The following PLEKHA2 variants were observed in gnomAD, a reference collection of about 807,000 sequenced individuals.
PLEKHA2 encodes the protein pleckstrin homology domain-containing family A member 2.
A neutral mutation model predicts 53.2 loss-of-function variants in PLEKHA2; 28 were observed. That is an observed-to-expected ratio of 0.53 (90% CI 0.39 to 0.72). PLEKHA2 has a LOEUF of 0.72. PLEKHA2 is among the 30% of genes least tolerant of loss of function. The probability of loss-of-function intolerance (pLI) is 0.00; values close to 1 mark genes in which losing one functional copy is unlikely to be tolerated. For missense variants in PLEKHA2, 426 were observed against 537.9 expected (o/e 0.79, Z 2.06); for synonymous variants, 193 against 196.4 (o/e 0.98, Z 0.14).
At chr8:38,905,481 A>G (rs1341895922) in intron 1 of PLEKHA2, among the ~76,000 whole-genome samples, 1 of 150,482 alleles carries the variant, frequency 6.6e-6, no homozygotes, top group African/African-American at 2.4e-5. Flanking sequence ...TTTTTTTTAA[A>G]TACTCATACT....
At chr8:38,963,612 G>A (rs62504408) in intron 10 of PLEKHA2, among the ~76,000 whole-genome samples, 24,443 of 152,200 alleles carry the variant, frequency 0.16, 2,088 homozygotes, top group South Asian at 0.27. Context: ...GGTGGCTCAT[G>A]CCTGTAATCC....
intron 11 of PLEKHA2, 87 bp from the exon 12 acceptor site, chr8:38,969,334 T>C: frequency 6.8e-7 from 1 of 1,465,254 alleles, no homozygotes; most frequent in Non-Finnish European, 9.2e-7. Context: ...GTGATCCTGG[T>C]TGGGTACTCT....
rs767845010 is a variant in PLEKHA2, at chr8:38,969,193, G to A, written c.916-228G>A. Among the ~76,000 whole-genome samples the A allele has an allele frequency of 3.9e-5, 6 of 152,112 alleles. No individual in the cohort carries two copies. In the South Asian group the frequency reaches 1.0e-3, roughly 26 times the overall value. ...TGGGATTTCAGGCATGAGCCACCAC[G>A]CCCGGCCGAGAAACAGAATTTCTGA... On this transcript the variant is annotated intron_variant, in intron 11 of 11. Transcript: ENST00000617275.
At chr8:38,945,120 G>T (rs1834686948) in intron 4 of PLEKHA2, among the ~76,000 whole-genome samples, 1 of 152,232 alleles carries the variant, frequency 6.6e-6, no homozygotes, top group Non-Finnish European at 1.5e-5. Context: ...AGTGAATTCA[G>T]TGAATCCATC....
intron 1 of PLEKHA2, among the ~76,000 whole-genome samples, chr8:38,905,851 A>T (rs914752953): frequency 2.6e-5 from 4 of 151,804 alleles, no homozygotes; most frequent in Admixed American, 1.3e-4. Context: ...CGCCCAGCTA[A>T]TTTTTTGTAT....
At chr8:38,902,294 C>A (rs2152362510) in intron 1 of PLEKHA2, among the ~76,000 whole-genome samples, 1 of 152,058 alleles carries the variant, frequency 6.6e-6, no homozygotes, top group African/African-American at 2.4e-5. Context: ...GGGCGCAGGG[C>A]CCGCTGCGGC....
Position 38,968,691 on chromosome 8 carries a change from G to T in PLEKHA2, c.915+22G>T, listed in dbSNP as rs191686360. 420 of 1,612,636 alleles carry T rather than the reference G, an allele frequency of 2.6e-4. 5 individuals are homozygous for T. In the East Asian group the frequency reaches 7.7e-3, roughly 30 times the overall value. ...CAGAGTAAGTCACTTCCTTTCTGTT[G>T]CACAGTGTCAACTCAGAGATGAATT... On this transcript the variant is annotated intron_variant, in intron 11 of 11. Transcript: ENST00000617275.
rs1833992862 is a variant in PLEKHA2 at position 38,913,945 on chromosome 8, C to T, written c.-23-3962C>T. Among the ~76,000 whole-genome samples, 4 of 152,228 alleles carry T rather than the reference C, an allele frequency of 2.6e-5. No individual in the cohort carries two copies. The South Asian group carries it at 6.2e-4, about 24-fold the overall frequency. On this transcript the variant is annotated intron_variant, in intron 1 of 11. Coordinates refer to ENST00000617275, the MANE Select transcript of PLEKHA2 (RefSeq NM_021623.2). ...TGTTGGAGGAGGCCCTGGGTCTGTC[C>T]GCAGGTGCCATAATGGAAGGGTTGC...
chr8:38,929,791 C>T (rs1185714022), intron 2 of PLEKHA2, among the ~76,000 whole-genome samples: 1 of 152,162 alleles, frequency 6.6e-6, no homozygotes, highest in East Asian at 1.9e-4. Flanking sequence ...AGTCACTTCC[C>T]CCAGTTGAGC....
chr8:38,937,734 C>A (rs1834523252), intron 3 of PLEKHA2, among the ~76,000 whole-genome samples: 1 of 152,182 alleles, frequency 6.6e-6, no homozygotes, highest in Non-Finnish European at 1.5e-5. Flanking sequence ...TTAACTCCTG[C>A]CTGACTCCCT....
intron 1 of PLEKHA2, among the ~76,000 whole-genome samples, chr8:38,911,982 A>G (rs1399377999): frequency 6.6e-6 from 1 of 151,928 alleles, no homozygotes; most frequent in Non-Finnish European, 1.5e-5. Context: ...TCTCTAAAAA[A>G]TAAAAACATA....
chr8:38,917,865 G>C, intron 1 of PLEKHA2, 42 bp from the exon 2 acceptor site: 2 of 1,584,108 alleles, frequency 1.3e-6, no homozygotes, highest in South Asian at 2.3e-5. Flanking sequence ...AGGCAGAGCT[G>C]CTTCATCTTC....
In PLEKHA2 at chr8:38,950,979, C is replaced by T. The variant is rs770301328; in HGVS notation, c.475C>T (p.Pro159Ser). 2 of 1,613,642 alleles carry T rather than the reference C, an allele frequency of 1.2e-6. No individual in the cohort carries two copies. Among genetic ancestry groups the T allele is most frequent in the East Asian group, 2.2e-5 (1 of 44,874 alleles). ...CATTGGAGGGGTGGTGGTCCACACACCCATCAGCCAGGTGAGGGGCCTGAC... is the reference window on the plus strand; with the variant it reads ...CATTGGAGGGGTGGTGGTCCACACATCCATCAGCCAGGTGAGGGGCCTGAC... ...EIIGGVVVHTPISQNGGDGQE... is the reference protein window; with the variant it reads ...EIIGGVVVHTSISQNGGDGQE... Residue 159 changes from proline (P) to serine (S), a missense_variant, in exon 6 of 12, where the codon CCC (proline) becomes TCC (serine). Physicochemically the swap from Pro to Ser is moderately conservative, Grantham distance 74. Coordinates refer to ENST00000617275, the MANE Select transcript of PLEKHA2 (RefSeq NM_021623.2).
Position 38,952,246 on chromosome 8 carries a change from A to G in PLEKHA2, c.567A>G (p.Ser189=), listed in dbSNP as rs1342872486. Residue 189 remains serine, a synonymous_variant, in exon 7 of 12, where the codon TCA becomes TCG. Coordinates refer to ENST00000617275, the MANE Select transcript of PLEKHA2 (RefSeq NM_021623.2). ...LRRSQSYIPT[S]GCRASTGPPL... ...GGTCTCAGAGTTACATCCCCACGTC[A>G]GGCTGCCGTGCTTCCACTGGGCCTC... is the stretch of plus-strand genomic sequence containing the variant. 1.2e-5 allele frequency: 19 copies of G among 1,612,634 alleles called. No homozygotes were observed. Among genetic ancestry groups the G allele is most frequent in the Admixed American group, 1.7e-5 (1 of 59,798 alleles).
intron 4 of PLEKHA2, among the ~76,000 whole-genome samples, chr8:38,944,068 CT>C (rs913800553): frequency 1.9e-4 from 28 of 146,560 alleles, no homozygotes; most frequent in African/African-American, 2.3e-4. Flanking sequence ...TGTTTTCTTT[CT>C]TTTTTTTTTG....
chr8:38,952,522 A>T (rs902820844), intron 7 of PLEKHA2, 114 bp from the exon 8 acceptor site: 14 of 1,356,046 alleles, frequency 1.0e-5, no homozygotes, highest in Non-Finnish European at 1.4e-5. Flanking sequence ...GCCCCTGCTG[A>T]ATGTGGGAGC....
Position 38,952,198 on chromosome 8 carries a change from C to T in PLEKHA2, c.519C>T (p.Pro173=), listed in dbSNP as rs751491328. The change falls in exon 7 of 12, where the codon CCC becomes CCT. Residue 173 remains proline, a synonymous_variant. Transcript: ENST00000617275. ...NGGDGQEGSE[P]GSHTILRRSQ... is the part of the protein sequence containing the mutation. The stretch of plus-strand genomic sequence containing the variant: ...GGGATGGGCAGGAAGGGAGTGAGCC[C>T]GGGTCCCACACCATCCTTCGAAGGT... 11 of 1,613,022 alleles carry T rather than the reference C, an allele frequency of 6.8e-6. No individual in the cohort carries two copies. In the Admixed American group the frequency reaches 8.3e-5, roughly 12 times the overall value.
At position 38,917,965 on chromosome 8, in the gene PLEKHA2, G is replaced by A; in HGVS notation, c.36G>A (p.Gly12=). 2 of 1,613,650 alleles carry A rather than the reference G, an allele frequency of 1.2e-6. No individual in the cohort carries two copies. Among genetic ancestry groups the A allele is most frequent in the Admixed American group, 1.7e-5 (1 of 59,988 alleles). ...PYVDRQNRIC[G]FLDIEEHENS... ...TGGATCGGCAGAACCGAATCTGTGGGTTTCTGGACATCGAGGAGCATGAGA... is the reference window on the plus strand; with the variant it reads ...TGGATCGGCAGAACCGAATCTGTGGATTTCTGGACATCGAGGAGCATGAGA... The change falls in exon 2 of 12, where the codon GGG becomes GGA. Residue 12 remains glycine, a synonymous_variant. Transcript: ENST00000617275.
intron 10 of PLEKHA2, among the ~76,000 whole-genome samples, chr8:38,962,885 G>A (rs961612870): frequency 6.6e-6 from 1 of 151,814 alleles, no homozygotes; most frequent in African/African-American, 2.4e-5. Flanking sequence ...GGTGAATGAT[G>A]TCACCTAGAA....
Sources: allele counts gnomAD v4.1 joint callset (sites outside exome capture counted in the v4.1 genomes callset), GRCh38; gene constraint gnomAD v4.1.1; transcripts MANE v1.5; gene names NCBI Gene and HGNC (gene_info 2026-07-23, HGNC 2026-07-21).